KANK4: variants seen among roughly 807,000 people sequenced by gnomAD.
KANK4 encodes the protein KN motif and ankyrin repeat domain-containing protein 4.
A neutral mutation model predicts 80.8 loss-of-function variants in KANK4; 50 were observed. The ratio of observed to expected loss-of-function variants is 0.62; its 90% CI spans 0.49 to 0.78. The LOEUF is 0.78. Among genes scored for constraint, KANK4 ranks in the 30% least tolerant of loss-of-function variants. The pLI is 0.00. For missense variants in KANK4, 1,196 were observed against 1,240.1 expected, an observed-to-expected ratio of 0.96 and a Z score of 0.53; for synonymous variants, 465 against 506.9, an observed-to-expected ratio of 0.92 and a Z score of 1.11.
At chr1:62,262,565 G>A (rs1379825622) in intron 7 of KANK4, among the ~76,000 whole-genome samples, 1 of 151,904 alleles carries the variant, frequency 6.6e-6, no homozygotes, top group East Asian at 1.9e-4. Flanking sequence ...TAAGGAAAAT[G>A]TTATATATAT....
chr1:62,275,123 C>A, intron 2 of KANK4, 36 bp from the exon 3 acceptor site: 11 of 1,483,936 alleles, frequency 7.4e-6, no homozygotes, highest in South Asian at 1.3e-5. Flanking sequence ...AAAAAAAGCA[C>A]AAATTTAATT....
intron 7 of KANK4, among the ~76,000 whole-genome samples, chr1:62,262,407 C>T (rs1671907450): frequency 6.6e-6 from 1 of 152,146 alleles, no homozygotes; most frequent in Non-Finnish European, 1.5e-5. Flanking sequence ...AACAGTGAAG[C>T]ATTTCCTTGA....
chr1:62,242,909 C>T (rs1671377784), intron 9 of KANK4, among the ~76,000 whole-genome samples: 1 of 152,166 alleles, frequency 6.6e-6, no homozygotes, highest in Non-Finnish European at 1.5e-5. Flanking sequence ...GCTCCCTTTT[C>T]CCACTGAAAT....
intron 5 of KANK4, among the ~76,000 whole-genome samples, chr1:62,267,377 G>GTA (rs1403859910): frequency 6.6e-6 from 1 of 151,988 alleles, no homozygotes; most frequent in Non-Finnish European, 1.5e-5. Flanking sequence ...GCACCAAGAG[G>GTA]CCTCAGGTGA....
At chr1:62,306,267 G>A (rs1206937583) in intron 1 of KANK4, among the ~76,000 whole-genome samples, 1 of 152,126 alleles carries the variant, frequency 6.6e-6, no homozygotes, top group Non-Finnish European at 1.5e-5. Flanking sequence ...TGGGATTACA[G>A]GCATGAGTCA....
intron 6 of KANK4, among the ~76,000 whole-genome samples, chr1:62,266,038 A>G (rs935912647): frequency 6.6e-6 from 1 of 152,228 alleles, no homozygotes; most frequent in African/African-American, 2.4e-5. Context: ...TAGAACCTTC[A>G]GTTCCCATTC....
At chr1:62,314,842 C>T (rs1644527003) in intron 1 of KANK4, among the ~76,000 whole-genome samples, 1 of 152,202 alleles carries the variant, frequency 6.6e-6, no homozygotes, top group African/African-American at 2.4e-5. Context: ...AGCCCAGGGC[C>T]TGGGCGAGAC....
intron 2 of KANK4, among the ~76,000 whole-genome samples, chr1:62,278,386 TTTC>T (rs1672369675): frequency 2.3e-5 from 1 of 43,480 alleles, no homozygotes; most frequent in African/African-American, 2.0e-4. Context: ...CCTTTCTTTC[TTTC>T]TTTCTTTCTT....
chr1:62,270,676 G>A lies in KANK4; in HGVS notation c.2012+802C>T, dbSNP rs568078153. 3.3e-5 allele frequency among the ~76,000 whole-genome samples: 5 copies of A among 152,098 alleles called. No homozygotes were observed. The South Asian group carries it at 8.3e-4, about 25-fold the overall frequency. On this transcript the variant is annotated intron_variant, in intron 4 of 9. Transcript: ENST00000371153. ...TGGGATTACAGGCATGAGCCACAGCGACTGGCCCCAGTTCATCATTTCTGA... is the reference window on the plus strand; with the variant it reads ...TGGGATTACAGGCATGAGCCACAGCAACTGGCCCCAGTTCATCATTTCTGA...
intron 7 of KANK4, among the ~76,000 whole-genome samples, chr1:62,256,210 G>A (rs911269047): frequency 5.9e-5 from 9 of 152,080 alleles, no homozygotes; most frequent in African/African-American, 1.9e-4. Context: ...GTAAACACTC[G>A]GTAAGAGTTC....
chr1:62,252,615 C>A (rs1010705906), intron 8 of KANK4, among the ~76,000 whole-genome samples: 2 of 152,228 alleles, frequency 1.3e-5, no homozygotes, highest in African/African-American at 4.8e-5. Context: ...GGACTCATGA[C>A]CTTGTTAAAA....
At position 62,247,304 on chromosome 1, in the gene KANK4, C is replaced by CT. The variant is rs371644915; in HGVS notation, c.2883+167dup. On this transcript the variant is annotated intron_variant, in intron 9 of 9. Coordinates refer to ENST00000371153, the MANE Select transcript of KANK4 (RefSeq NM_181712.5). ...CTGAGGAGGGGAAGTTAAACAGCTA[C>CT]TTTTTTTTTTTTTTTTAAGAGATGG... Among the ~76,000 whole-genome samples the CT allele has an allele frequency of 8.7e-3, 1,182 of 136,362 alleles. 11 individuals are homozygous for CT. The highest frequency in any genetic ancestry group is 0.021 in the African/African-American group (795 of 37,780). The allele number at this position is 136,362 out of a possible 152,430, so 89.5% of individuals were successfully genotyped here. A position where few individuals can be genotyped will look rare whatever the true frequency, so the allele number is the denominator to read the frequency against.
chr1:62,268,622 C>G (rs889639440), intron 4 of KANK4, 117 bp from the exon 5 acceptor site: 17 of 774,252 alleles, frequency 2.2e-5, no homozygotes, highest in South Asian at 4.5e-5. Context: ...TCTCCTCCCC[C>G]ACTCTCTACA....
chr1:62,309,982 G>C (rs553682715), intron 1 of KANK4, among the ~76,000 whole-genome samples: 111 of 152,312 alleles, frequency 7.3e-4, no homozygotes, highest in African/African-American at 2.5e-3. Flanking sequence ...TTCAGCAGTC[G>C]GCAAAGCCAA....
chr1:62,257,569 C>T (rs1463558701), intron 7 of KANK4, among the ~76,000 whole-genome samples: 1 of 152,214 alleles, frequency 6.6e-6, no homozygotes, highest in Admixed American at 6.5e-5. Flanking sequence ...GAGGTGCACT[C>T]TGGCTCTATT....
intron 4 of KANK4, among the ~76,000 whole-genome samples, chr1:62,270,380 G>T (rs371945888): frequency 3.1e-4 from 47 of 149,320 alleles, no homozygotes; most frequent in African/African-American, 9.1e-4. Flanking sequence ...TTTTTTCTTT[G>T]CTTTGCTTTT....
chr1:62,308,085 T>C (rs1182659610), intron 1 of KANK4, among the ~76,000 whole-genome samples: 1 of 152,166 alleles, frequency 6.6e-6, no homozygotes, highest in African/African-American at 2.4e-5. Flanking sequence ...AAGTGGCAGG[T>C]TGCAGCTTGG....
chr1:62,291,531 G>A (rs1027562677), intron 1 of KANK4, among the ~76,000 whole-genome samples: 22 of 152,116 alleles, frequency 1.4e-4, no homozygotes, highest in Admixed American at 9.2e-4. Flanking sequence ...AGGCTCAAAC[G>A]CCTGGGCTCT....
intron 2 of KANK4, among the ~76,000 whole-genome samples, chr1:62,276,947 T>C (rs1158580914): frequency 6.6e-6 from 1 of 152,170 alleles, no homozygotes; most frequent in South Asian, 2.1e-4. Flanking sequence ...CACAAACATG[T>C]TGTGACTGGT....
Sources: allele counts gnomAD v4.1 joint callset (sites outside exome capture counted in the v4.1 genomes callset), GRCh38; gene constraint gnomAD v4.1.1; transcripts MANE v1.5; gene names NCBI Gene and HGNC (gene_info 2026-07-23, HGNC 2026-07-21).